EFR3A: variants seen among roughly 807,000 people sequenced by gnomAD.
The protein encoded by EFR3A is protein EFR3 homolog A.
Under a neutral mutation model 104.4 loss-of-function variants are expected in EFR3A, and 76 were observed. The observed-to-expected ratio is 0.73, with a 90% CI of 0.60 to 0.88. The LOEUF (loss-of-function observed/expected upper bound fraction) is 0.88. Ranked by LOEUF, EFR3A falls within the 40% of genes least tolerant of loss-of-function variation. The pLI is 0.00. For missense variants in EFR3A, 985 were observed against 1,012.5 expected, an observed-to-expected ratio of 0.97 and a Z score of 0.37; for synonymous variants, 330 against 330.0, an observed-to-expected ratio of 1.00 and a Z score of 0.00.
At chr8:131,975,431 T>C (rs1820278599) in intron 10 of EFR3A, among the ~76,000 whole-genome samples, 1 of 149,552 alleles carries the variant, frequency 6.7e-6, no homozygotes, top group African/African-American at 2.5e-5. Flanking sequence ...TTTTTTTTTT[T>C]TGGAGACAGA....
chr8:131,983,376 T>C (rs979984037), intron 14 of EFR3A, among the ~76,000 whole-genome samples: 3 of 152,112 alleles, frequency 2.0e-5, no homozygotes, highest in Non-Finnish European at 2.9e-5. Flanking sequence ...TCATTCCAGT[T>C]GTCCAGTGAT....
intron 22 of EFR3A, among the ~76,000 whole-genome samples, chr8:132,003,556 A>C (rs1452822387): frequency 1.3e-5 from 2 of 151,672 alleles, no homozygotes; most frequent in African/African-American, 4.9e-5. Context: ...TCTTAAGTAC[A>C]TCTGGGTAAT....
chr8:131,955,719 A>C, intron 6 of EFR3A, 49 bp from the exon 7 acceptor site: 1 of 1,576,814 alleles, frequency 6.3e-7, no homozygotes, highest in Non-Finnish European at 8.6e-7. Flanking sequence ...GTTTATTAGA[A>C]CTGATATTAA....
chr8:132,007,069 A>G (rs1262976902), intron 22 of EFR3A, among the ~76,000 whole-genome samples: 1 of 151,988 alleles, frequency 6.6e-6, no homozygotes, highest in East Asian at 1.9e-4. Flanking sequence ...TGAAAGTCTG[A>G]TGCCTTTCAC....
chr8:131,999,963 G>A (rs2130799571), intron 19 of EFR3A, among the ~76,000 whole-genome samples: 1 of 152,228 alleles, frequency 6.6e-6, no homozygotes, highest in South Asian at 2.1e-4. Context: ...ATGGAATGAG[G>A]ATCTAGAGTA....
chr8:131,932,519 T>C (rs1817660124), intron 1 of EFR3A, among the ~76,000 whole-genome samples: 1 of 152,144 alleles, frequency 6.6e-6, no homozygotes. Context: ...GTTTCTTTTG[T>C]CCTCTTGGCA....
intron 10 of EFR3A, among the ~76,000 whole-genome samples, chr8:131,972,085 C>T (rs537463563): frequency 6.6e-6 from 1 of 152,202 alleles, no homozygotes; most frequent in East Asian, 1.9e-4. Context: ...GCCCCCTTTT[C>T]TACCTTTCTA....
In EFR3A at chr8:131,987,685, A is replaced by G. The variant is rs763283691; in HGVS notation, c.2048A>G (p.Tyr683Cys). 4 of 1,594,340 alleles carry G rather than the reference A, an allele frequency of 2.5e-6. No homozygotes were observed. Among genetic ancestry groups the G allele is most frequent in the South Asian group, 1.1e-5 (1 of 87,766 alleles). ...AGTGTTGAGAGATTGTCAGTTCCGT[A>G]TGTACCACAAGTAACAGGTAAGAGG... ...GYSVERLSVP[Y>C]VPQVTDEDRL... The change falls in exon 18 of 23, where the codon TAT (tyrosine) becomes TGT (cysteine). Residue 683 changes from tyrosine to cysteine, a missense_variant. Coordinates refer to ENST00000254624, the MANE Select transcript of EFR3A (RefSeq NM_015137.6).
At position 131,977,043 on chromosome 8, in the gene EFR3A, A is replaced by G; in HGVS notation, c.1277A>G (p.Asp426Gly). The G allele has an allele frequency of 6.3e-7, 1 of 1,598,314 alleles. No homozygotes were observed. The highest frequency in any genetic ancestry group is 8.5e-7 in the Non-Finnish European group (1 of 1,171,176). ...THTLDISQLG[D>G]LGTRRIQIML... is the part of the protein sequence containing the mutation. ...ATTCAGCCTTTTGTATATTTTAGGG[A>G]TTTGGGAACCAGGAGAATTCAGATA... The change falls in exon 12 of 23, where the codon GAT becomes GGT. Residue 426 changes from aspartate (D) to glycine (G), a missense_variant and splice_region_variant. Asp to Gly is a moderately conservative substitution (Grantham distance 94). Transcript: ENST00000254624.
In EFR3A at chr8:131,989,401, C is replaced by G. The variant is rs544378806; in HGVS notation, c.2065+1699C>G. Among the ~76,000 whole-genome samples, 10 of 152,254 alleles carry G rather than the reference C, an allele frequency of 6.6e-5. No individual in the cohort carries two copies. In the South Asian group the frequency reaches 2.1e-3, roughly 32 times the overall value. On this transcript the variant is annotated intron_variant, in intron 18 of 22. Coordinates refer to ENST00000254624, the MANE Select transcript of EFR3A (RefSeq NM_015137.6). ...AATAGTAGCTACCATTTATTATGCA[C>G]TGTGTGCTAGGCACTGTGATAAGTG...
At chr8:131,965,567 G>A (rs1819658678) in intron 8 of EFR3A, among the ~76,000 whole-genome samples, 1 of 152,314 alleles carries the variant, frequency 6.6e-6, no homozygotes, top group South Asian at 2.1e-4. Flanking sequence ...AACAACAGGT[G>A]CTGGAGAGGA....
chr8:131,968,435 G>A lies in EFR3A; in HGVS notation c.991+5G>A, dbSNP rs1265905164. 1.2e-6 allele frequency: 2 copies of A among 1,613,006 alleles called. No homozygotes were observed. Among genetic ancestry groups the A allele is most frequent in the Admixed American group, 3.3e-5 (2 of 59,926 alleles). On this transcript the variant is annotated splice_donor_5th_base_variant and intron_variant, in intron 9 of 22. Transcript: ENST00000254624. ...TTGCTGCTAAAGGTTCCATAGGTGA[G>A]TGCCAATAAATAAAATAAAATAGTG...
At chr8:131,966,419 C>T (rs1048949290) in intron 8 of EFR3A, among the ~76,000 whole-genome samples, 3 of 151,956 alleles carry the variant, frequency 2.0e-5, no homozygotes, top group African/African-American at 7.3e-5. Context: ...GCTCTTTTGT[C>T]GTCATTATTG....
chr8:131,939,318 C>G (rs1365232686), intron 1 of EFR3A, among the ~76,000 whole-genome samples: 2 of 152,098 alleles, frequency 1.3e-5, no homozygotes, highest in African/African-American at 4.8e-5. Context: ...CTGTCTGTTC[C>G]AAAGCCCATG....
rs571769132 is a variant in EFR3A at position 131,934,342 on chromosome 8, C to T, written c.11-6157C>T. Among the ~76,000 whole-genome samples, 7 of 152,172 alleles carry T rather than the reference C, an allele frequency of 4.6e-5. No homozygotes were observed. The South Asian group carries it at 1.0e-3, about 23-fold the overall frequency. Reference sequence around the variant, plus strand: ...GTAGTTCAGTCTTACTTGTTCTTCACGGGAGTCCTCAGTATCCAGTTCGAG... The same window carrying T: ...GTAGTTCAGTCTTACTTGTTCTTCATGGGAGTCCTCAGTATCCAGTTCGAG... On this transcript the variant is annotated intron_variant, in intron 1 of 22. Transcript: ENST00000254624.
rs137910846 is a variant in EFR3A, at chr8:131,930,036, CA to C, written c.11-10460del. ...CTTTTGCAAGGAAGGCACATTGATT[CA>C]AACTGCCCTATAACTCCATGGAGAT... On this transcript the variant is annotated intron_variant, in intron 1 of 22. Coordinates refer to ENST00000254624, the MANE Select transcript of EFR3A (RefSeq NM_015137.6). 6.2e-4 allele frequency among the ~76,000 whole-genome samples: 94 copies of C among 152,234 alleles called. 1 individual carries two copies. In the East Asian group the frequency reaches 0.017, roughly 27 times the overall value.
intron 22 of EFR3A, among the ~76,000 whole-genome samples, chr8:132,008,520 C>T (rs1186935416): frequency 6.6e-6 from 1 of 151,378 alleles, no homozygotes; most frequent in African/African-American, 2.4e-5. Context: ...TGGGGTAAAT[C>T]TGAAAAACAT....
chr8:132,005,996 G>A lies in EFR3A; in HGVS notation c.2360+2711G>A, dbSNP rs183997729. On this transcript the variant is annotated intron_variant, in intron 22 of 22. Transcript: ENST00000254624. The stretch of plus-strand genomic sequence containing the variant: ...AATTTCAAATATCTGGAAATTAAAA[G>A]ACACCCATACCTCAAAGAAGAAATG... 6.7e-3 allele frequency among the ~76,000 whole-genome samples: 1,013 copies of A among 152,140 alleles called. 4 individuals are homozygous for A. Among genetic ancestry groups the A allele is most frequent in the Middle Eastern group, 0.017 (5 of 294 alleles).
intron 1 of EFR3A, among the ~76,000 whole-genome samples, chr8:131,909,447 G>A (rs1816407755): frequency 6.6e-6 from 1 of 152,118 alleles, no homozygotes; most frequent in African/African-American, 2.4e-5. Flanking sequence ...CTTGGAGGCT[G>A]AGGCAGGAGG....
Sources: gnomAD v4.1 joint callset for allele counts (sites outside exome capture counted in the v4.1 genomes callset) on GRCh38, gnomAD v4.1.1 for gene constraint, MANE v1.5 for transcripts, NCBI Gene and HGNC (gene_info 2026-07-23, HGNC 2026-07-21) for gene names.